Variants in AGFG1 observed in about 807,000 individuals in gnomAD.
AGFG1 encodes ArfGAP with FG repeats 1.
In AGFG1, 10 loss-of-function variants were observed where a neutral mutation model predicts 60.6. The observed-to-expected ratio is 0.16, with a 90% confidence interval of 0.10 to 0.28. AGFG1 has a LOEUF of 0.28. Among genes scored for constraint, AGFG1 ranks in the 10% least tolerant of loss-of-function variants. The probability of loss-of-function intolerance (pLI) is 1.00; values close to 1 mark genes in which losing one functional copy is unlikely to be tolerated. For missense variants in AGFG1, 537 were observed against 676.5 expected (o/e 0.79, Z 2.29); for synonymous variants, 247 against 242.9 (o/e 1.02, Z -0.16).
intron 2 of AGFG1, among the ~76,000 whole-genome samples, chr2:227,510,336 A>C (rs1290880235): frequency 6.6e-6 from 1 of 152,184 alleles, no homozygotes; most frequent in East Asian, 1.9e-4. Context: ...GTGACTTATC[A>C]GGTCCTGTTT....
rs1461244029 is a variant in AGFG1, at chr2:227,547,355, A to G, written c.1379-4604A>G. On this transcript the variant is annotated intron_variant, in intron 10 of 12. Coordinates refer to ENST00000310078, the MANE Select transcript of AGFG1 (RefSeq NM_004504.5). ...CTCTCCTTGTGCTCTTTCCCTCTCA[A>G]TTTACTCTTAATATTTGGACATCTC... Among the ~76,000 whole-genome samples, 2 of 152,176 alleles carry G rather than the reference A, an allele frequency of 1.3e-5. 1 individual carries two copies. Among genetic ancestry groups the G allele is most frequent in the Admixed American group, 1.3e-4 (2 of 15,278 alleles).
At chr2:227,497,062 G>C (rs1387153832) in intron 2 of AGFG1, among the ~76,000 whole-genome samples, 2 of 152,098 alleles carry the variant, frequency 1.3e-5, no homozygotes, top group Non-Finnish European at 2.9e-5. Context: ...GCCTATGGCA[G>C]GGGTTGGCAA....
intron 1 of AGFG1, 24 bp downstream of exon 1, chr2:227,472,612 G>C (rs762785568): frequency 4.5e-6 from 7 of 1,555,488 alleles, no homozygotes; most frequent in Non-Finnish European, 6.1e-6. Context: ...GGCCGGGCGG[G>C]TGTCGGGCCC....
chr2:227,490,146 G>A (rs994499064), intron 1 of AGFG1, among the ~76,000 whole-genome samples: 16 of 152,006 alleles, frequency 1.1e-4, no homozygotes, highest in African/African-American at 2.7e-4. Context: ...AGAATGTTAC[G>A]CACCATATTT....
intron 5 of AGFG1, among the ~76,000 whole-genome samples, chr2:227,525,519 T>C (rs1382287512): frequency 6.6e-6 from 1 of 152,206 alleles, no homozygotes; most frequent in Admixed American, 6.5e-5. Context: ...TTGAATCAGA[T>C]TTTCAACAAG....
At chr2:227,547,780 G>C (rs1162033863) in intron 10 of AGFG1, among the ~76,000 whole-genome samples, 1 of 152,156 alleles carries the variant, frequency 6.6e-6, no homozygotes, top group East Asian at 1.9e-4. Flanking sequence ...AAACATTTTG[G>C]CAGTTCCTCA....
Position 227,524,786 on chromosome 2 carries a change from G to GGGC in AGFG1, c.566_568dup (p.Gly189_Gln190insArg). On this transcript the variant is annotated inframe_insertion, in exon 5 of 13. Coordinates refer to ENST00000310078, the MANE Select transcript of AGFG1 (RefSeq NM_004504.5). The stretch of plus-strand genomic sequence containing the variant: ...GTCCCCAGTTGTAGGTCGTTCTCAA[G>GGGC]GGCAGCAGCAGGAGAAGAAGCAATT... 1.2e-6 allele frequency: 2 copies of GGGC among 1,614,126 alleles called. No homozygotes were observed. The highest frequency in any genetic ancestry group is 1.1e-5 in the South Asian group (1 of 91,078).
intron 10 of AGFG1, among the ~76,000 whole-genome samples, chr2:227,549,252 C>G (rs1575118108): frequency 6.6e-6 from 1 of 152,216 alleles, no homozygotes; most frequent in African/African-American, 2.4e-5. Context: ...AACTCAGAAC[C>G]ATTCAATTTT....
rs969367230 is a variant in AGFG1, at chr2:227,559,773, G to A, written c.*5278G>A. ...GAGAGACAGAGGAAGCAAACGCCAA[G>A]GAGCCTTCTAATTTTGACTATATGA... On this transcript the variant is annotated 3_prime_UTR_variant, in exon 13 of 13. Transcript: ENST00000310078. 6.6e-6 allele frequency: 1 copy of A among 152,106 alleles called. No homozygotes were observed. Among genetic ancestry groups the A allele is most frequent in the Non-Finnish European group, 1.5e-5 (1 of 67,982 alleles). 9.4% of individuals were successfully genotyped at this position (152,106 alleles called of 1,614,324 possible).
intron 10 of AGFG1, among the ~76,000 whole-genome samples, chr2:227,541,777 T>C (rs1692499134): frequency 6.6e-6 from 1 of 152,198 alleles, no homozygotes; most frequent in African/African-American, 2.4e-5. Context: ...ATCTATAAAT[T>C]ACCTTGGGCA....
intron 6 of AGFG1, among the ~76,000 whole-genome samples, chr2:227,532,837 G>A (rs1692202212): frequency 6.6e-6 from 1 of 152,098 alleles, no homozygotes; most frequent in African/African-American, 2.4e-5. Context: ...ATAGAGAACA[G>A]ATTTTAAAGA....
At chr2:227,503,377 A>G (rs1691216501) in intron 2 of AGFG1, among the ~76,000 whole-genome samples, 1 of 152,186 alleles carries the variant, frequency 6.6e-6, no homozygotes. Flanking sequence ...TAAATCTTGA[A>G]GTCAGGTAGT....
At chr2:227,523,352 T>C (rs2106208478) in intron 3 of AGFG1, among the ~76,000 whole-genome samples, 1 of 152,336 alleles carries the variant, frequency 6.6e-6, no homozygotes, top group East Asian at 1.9e-4. Context: ...ACTGTAATAT[T>C]ACAAATGTTT....
intron 10 of AGFG1, among the ~76,000 whole-genome samples, chr2:227,548,695 T>C (rs1050963911): frequency 6.6e-6 from 1 of 152,190 alleles, no homozygotes; most frequent in African/African-American, 2.4e-5. Context: ...CCCAGCACTT[T>C]GGGAGGCCGA....
chr2:227,480,658 AG>A (rs1178751387), intron 1 of AGFG1, among the ~76,000 whole-genome samples: 1 of 151,176 alleles, frequency 6.6e-6, no homozygotes, highest in Non-Finnish European at 1.5e-5. Context: ...GCTGCTGTCT[AG>A]GCCTGCTGTG....
chr2:227,479,901 T>A (rs1487850113), intron 1 of AGFG1, among the ~76,000 whole-genome samples: 1 of 152,248 alleles, frequency 6.6e-6, no homozygotes, highest in Non-Finnish European at 1.5e-5. Context: ...GACAGGAAAC[T>A]TATTTGAGTT....
chr2:227,504,428 A>C (rs1691251127), intron 2 of AGFG1, among the ~76,000 whole-genome samples: 1 of 152,110 alleles, frequency 6.6e-6, no homozygotes, highest in Non-Finnish European at 1.5e-5. Context: ...TTTGGGCCCA[A>C]ATGATCCGCC....
Position 227,559,885 on chromosome 2 carries a change from A to T in AGFG1, c.*5390A>T, listed in dbSNP as rs1356607833. ...TGCTTTGGTTACAATCAGGTTTTTT[A>T]AAGACTTTAAAGGTTTTTTGTATGC... On this transcript the variant is annotated 3_prime_UTR_variant, in exon 13 of 13. Coordinates refer to ENST00000310078, the MANE Select transcript of AGFG1 (RefSeq NM_004504.5). 6.6e-6 allele frequency: 1 copy of T among 152,124 alleles called. No homozygotes were observed. Among genetic ancestry groups the T allele is most frequent in the African/African-American group, 2.4e-5 (1 of 41,438 alleles). 9.4% of individuals were successfully genotyped at this position (152,124 alleles called of 1,614,324 possible). A position where few individuals can be genotyped will look rare whatever the true frequency, so the allele number is the denominator to read the frequency against.
rs1691896218 is a variant in AGFG1, at chr2:227,523,817, A to T, written c.432A>T (p.Ser144=). 6.2e-7 allele frequency: 1 copy of T among 1,613,860 alleles called. No homozygotes were observed. Among genetic ancestry groups the T allele is most frequent in the Non-Finnish European group, 8.5e-7 (1 of 1,179,966 alleles). Residue 144 remains serine (S), a synonymous_variant, in exon 4 of 13, where the codon TCA becomes TCT. Transcript: ENST00000310078. ...KVVASVHASI[S]GSSASSTSST... is the part of the protein sequence containing the mutation. ...TGGCATCAGTTCATGCATCTATTTCAGGGTCCTCTGCCAGTAGCACAAGCA... is the reference window on the plus strand; with the variant it reads ...TGGCATCAGTTCATGCATCTATTTCTGGGTCCTCTGCCAGTAGCACAAGCA...
Sources: allele counts gnomAD v4.1 joint callset (sites outside exome capture counted in the v4.1 genomes callset), GRCh38; gene constraint gnomAD v4.1.1; transcripts MANE v1.5; gene names NCBI Gene and HGNC (gene_info 2026-07-23, HGNC 2026-07-21).